The following RPN2 variants were observed in gnomAD, a reference collection of about 807,000 sequenced individuals.
RPN2 encodes ribophorin II, also known as dolichyl-diphosphooligosaccharide--protein glycosyltransferase subunit 2.
Under a neutral mutation model 71.4 loss-of-function variants are expected in RPN2, and 29 were observed. The ratio of observed to expected loss-of-function variants is 0.41; its 90% CI spans 0.30 to 0.55. The LOEUF is 0.55. Ranked by LOEUF, RPN2 falls within the 20% of genes least tolerant of loss-of-function variation. The pLI, the probability that RPN2 is intolerant of heterozygous loss-of-function variation, is 0.35. For synonymous variants in RPN2, 308 were observed against 305.0 expected, an observed-to-expected ratio of 1.01 and a Z score of -0.10; for missense variants, 726 against 774.1, an observed-to-expected ratio of 0.94 and a Z score of 0.74.
At chr20:37,219,009 A>T (rs550425021) in intron 9 of RPN2, among the ~76,000 whole-genome samples, 1 of 152,240 alleles carries the variant, frequency 6.6e-6, no homozygotes, top group African/African-American at 2.4e-5. Flanking sequence ...TTGTTTGAAC[A>T]CTTGTTTTTG....
At position 37,207,373 on chromosome 20, in the gene RPN2, A is replaced by G. The variant is rs377603514; in HGVS notation, c.791A>G (p.His264Arg). The G allele has an allele frequency of 9.3e-6, 15 of 1,614,084 alleles. No homozygotes were observed. The highest frequency in any genetic ancestry group is 1.6e-4 in the Middle Eastern group (1 of 6,084). Reference sequence around the variant, plus strand: ...GCCTCTGCAGCTGCTGTGCTCTCGCATAATCGCTACCACGTGCCAGTTGTG... The same window carrying G: ...GCCTCTGCAGCTGCTGTGCTCTCGCGTAATCGCTACCACGTGCCAGTTGTG... ...SVASAAAVLS[H>R]NRYHVPVVVV... Residue 264 changes from histidine (H) to arginine (R), a missense_variant, in exon 7 of 17, where the codon CAT becomes CGT. Coordinates refer to ENST00000237530, the MANE Select transcript of RPN2 (RefSeq NM_002951.5).
At chr20:37,198,255 G>A in intron 2 of RPN2, 142 bp from the exon 3 acceptor site, 1 of 1,498,226 alleles carries the variant, frequency 6.7e-7, no homozygotes, top group Non-Finnish European at 9.0e-7. Flanking sequence ...GTGTCCTATG[G>A]AAAGTAACTA....
chr20:37,208,630 A>G (rs150203594), intron 7 of RPN2, among the ~76,000 whole-genome samples: 1 of 152,280 alleles, frequency 6.6e-6, no homozygotes, highest in African/African-American at 2.4e-5. Flanking sequence ...TTGCCTCTTT[A>G]TAGCACAGTC....
chr20:37,191,534 G>A (rs1349956136), intron 2 of RPN2, among the ~76,000 whole-genome samples: 1 of 151,872 alleles, frequency 6.6e-6, no homozygotes, highest in African/African-American at 2.4e-5. Context: ...TGGGGATGCC[G>A]AGGCAGGCGG....
chr20:37,218,810 A>G (rs948458619), intron 9 of RPN2, among the ~76,000 whole-genome samples: 5 of 152,068 alleles, frequency 3.3e-5, no homozygotes, highest in Non-Finnish European at 5.9e-5. Flanking sequence ...TTCACTTAAC[A>G]TAATACTTCT....
intron 1 of RPN2, among the ~76,000 whole-genome samples, chr20:37,181,172 T>C (rs1248427463): frequency 6.6e-6 from 1 of 150,784 alleles, no homozygotes; most frequent in Non-Finnish European, 1.5e-5. Context: ...GAGGCTGCAG[T>C]GAGCCGAGAT....
intron 6 of RPN2, 75 bp from the exon 7 acceptor site, chr20:37,207,198 C>A: frequency 8.2e-7 from 1 of 1,226,314 alleles, no homozygotes; most frequent in Non-Finnish European, 1.2e-6. Flanking sequence ...ATAAGGGTGA[C>A]TTTCCTCTAC....
chr20:37,207,028 T>A (rs1206868348), intron 6 of RPN2, among the ~76,000 whole-genome samples: 1 of 152,160 alleles, frequency 6.6e-6, no homozygotes, highest in East Asian at 1.9e-4. Flanking sequence ...TAAGCACTTA[T>A]TAAATAACTG....
At chr20:37,205,537 T>C (rs1161945726) in intron 6 of RPN2, among the ~76,000 whole-genome samples, 3 of 152,192 alleles carry the variant, frequency 2.0e-5, no homozygotes, top group Non-Finnish European at 4.4e-5. Flanking sequence ...AAATACAAGC[T>C]GCTTTTATTT....
chr20:37,232,145 A>G (rs951847782), intron 13 of RPN2, 151 bp from the exon 14 acceptor site: 5 of 870,064 alleles, frequency 5.7e-6, no homozygotes, highest in Middle Eastern at 2.2e-4. Context: ...AAGAGGCAAA[A>G]GGCCCCATGC....
At position 37,179,336 on chromosome 20, in the gene RPN2, C is replaced by G; in HGVS notation, c.-21C>G. On this transcript the variant is annotated 5_prime_UTR_variant, in exon 1 of 17. Coordinates refer to ENST00000237530, the MANE Select transcript of RPN2 (RefSeq NM_002951.5). Reference sequence around the variant, plus strand: ...GGAAGTCAGCCCGCGGCTCGGACTCCGGCGGGACCTGCTCGGAGGAATGGC... The same window carrying G: ...GGAAGTCAGCCCGCGGCTCGGACTCGGGCGGGACCTGCTCGGAGGAATGGC... 1.4e-6 allele frequency: 2 copies of G among 1,425,690 alleles called. No individual in the cohort carries two copies. The highest frequency in any genetic ancestry group is 1.3e-5 in the South Asian group (1 of 77,494). 88.3% of individuals were successfully genotyped at this position (1,425,690 alleles called of 1,614,324 possible). A position where few individuals can be genotyped will look rare whatever the true frequency, so the allele number is the denominator to read the frequency against.
chr20:37,198,959 T>C lies in RPN2; in HGVS notation c.304-91T>C, dbSNP rs1010158129. 7 of 1,038,044 alleles carry C rather than the reference T, an allele frequency of 6.7e-6. No individual in the cohort carries two copies. In the African/African-American group the frequency reaches 1.1e-4, roughly 16 times the overall value. The allele number at this position is 1,038,044 out of a possible 1,614,324, so 64.3% of individuals were successfully genotyped here. A position where few individuals can be genotyped will look rare whatever the true frequency, so the allele number is the denominator to read the frequency against. On this transcript the variant is annotated intron_variant, in intron 3 of 16. Transcript: ENST00000237530. ...GAGCATGTGCGAGGCGGAGGTGACTTTGGCAGCTGCTCCGCATTCTGTCTT... is the reference window on the plus strand; with the variant it reads ...GAGCATGTGCGAGGCGGAGGTGACTCTGGCAGCTGCTCCGCATTCTGTCTT...
chr20:37,233,126 G>A (rs919720835), intron 14 of RPN2, among the ~76,000 whole-genome samples: 2 of 152,088 alleles, frequency 1.3e-5, no homozygotes, highest in Admixed American at 6.5e-5. Flanking sequence ...GAGGAGCTGA[G>A]GTGGGAAGAT....
chr20:37,187,189 G>C (rs2067025401), intron 2 of RPN2, among the ~76,000 whole-genome samples: 1 of 151,752 alleles, frequency 6.6e-6, no homozygotes, highest in Non-Finnish European at 1.5e-5. Context: ...TTTTTATTTT[G>C]ATTCTTTTTT....
intron 10 of RPN2, 83 bp from the exon 11 acceptor site, chr20:37,225,605 A>G: frequency 1.1e-6 from 1 of 896,704 alleles, no homozygotes; most frequent in Non-Finnish European, 1.9e-6. Context: ...TGGTTGAGGC[A>G]ATGAAGTGAA....
intron 9 of RPN2, among the ~76,000 whole-genome samples, chr20:37,218,893 G>A (rs1045922852): frequency 2.6e-5 from 4 of 151,908 alleles, no homozygotes; most frequent in Non-Finnish European, 5.9e-5. Flanking sequence ...CCATTGTATG[G>A]ATATATCACA....
chr20:37,198,706 C>G (rs1233738196), intron 3 of RPN2, among the ~76,000 whole-genome samples: 1 of 151,208 alleles, frequency 6.6e-6, no homozygotes, highest in African/African-American at 2.4e-5. Flanking sequence ...CCTTTTTGTA[C>G]AGTTTTTGCT....
chr20:37,239,939 T>A (rs1411518351), intron 16 of RPN2, among the ~76,000 whole-genome samples: 1 of 152,248 alleles, frequency 6.6e-6, no homozygotes. Flanking sequence ...GAACTTTTTT[T>A]ATAGAGATGG....
chr20:37,207,418 C>G lies in RPN2; in HGVS notation c.836C>G (p.Ala279Gly), dbSNP rs1197494034. 6.2e-7 allele frequency: 1 copy of G among 1,614,124 alleles called. No individual in the cohort carries two copies. Among genetic ancestry groups the G allele is most frequent in the Non-Finnish European group, 8.5e-7 (1 of 1,180,048 alleles). ...VPVVVVPEGS[A>G]SDTHEQAILR... ...GTTGTGGTTGTGCCTGAGGGCTCTGCTTCCGACACTCATGAACAGGCTATC... is the reference window on the plus strand; with the variant it reads ...GTTGTGGTTGTGCCTGAGGGCTCTGGTTCCGACACTCATGAACAGGCTATC... Residue 279 changes from alanine (A) to glycine (G), a missense_variant, in exon 7 of 17, where the codon GCT (alanine) becomes GGT (glycine). By Grantham distance (60) the Ala-to-Gly change is moderately conservative. Coordinates refer to ENST00000237530, the MANE Select transcript of RPN2 (RefSeq NM_002951.5).
Sources: allele counts gnomAD v4.1 joint callset (sites outside exome capture counted in the v4.1 genomes callset), GRCh38; gene constraint gnomAD v4.1.1; transcripts MANE v1.5; gene names NCBI Gene and HGNC (gene_info 2026-07-23, HGNC 2026-07-21).